NEGR1: variants seen among roughly 807,000 people sequenced by gnomAD.
The protein encoded by NEGR1 is neuronal growth regulator 1.
Under a neutral mutation model 40.9 loss-of-function variants are expected in NEGR1, and 10 were observed. The ratio of observed to expected loss-of-function variants is 0.24; its 90% confidence interval spans 0.15 to 0.42. NEGR1 has a LOEUF of 0.42. Ranked by LOEUF, NEGR1 falls within the 10% of genes least tolerant of loss-of-function variation. The pLI is 1.00. For synonymous variants in NEGR1, 185 were observed against 166.8 expected, an observed-to-expected ratio of 1.11 and a Z score of -0.84; for missense variants, 352 against 438.9, an observed-to-expected ratio of 0.80 and a Z score of 1.77.
In NEGR1 at chr1:71,982,512, A is replaced by C. The variant is rs1054669140; in HGVS notation, c.177-47201T>G. Among the ~76,000 whole-genome samples the C allele has an allele frequency of 3.9e-5, 6 of 152,154 alleles. 1 individual carries two copies. In the South Asian group the frequency reaches 6.2e-4, roughly 16 times the overall value. On this transcript the variant is annotated intron_variant, in intron 1 of 6. Transcript: ENST00000357731. The stretch of plus-strand genomic sequence containing the variant: ...GTAGCTATTGATTTCAAAATGTCTG[A>C]ATTTGTTTTTTCATTTGCTTTCCCA...
chr1:71,702,740 A>AAC, intron 3 of NEGR1, among the ~76,000 whole-genome samples: 1 of 151,628 alleles, frequency 6.6e-6, no homozygotes, highest in East Asian at 1.9e-4. Flanking sequence ...AAAAAAAAAA[A>AAC]AACACTTTCA....
chr1:72,053,548 G>A (rs1301091739), intron 1 of NEGR1, among the ~76,000 whole-genome samples: 3 of 150,318 alleles, frequency 2.0e-5, no homozygotes, highest in African/African-American at 2.4e-5. Context: ...TTCACATCAC[G>A]TTAGTCATGC....
chr1:72,080,522 A>C (rs1051107993), intron 1 of NEGR1, among the ~76,000 whole-genome samples: 4 of 152,162 alleles, frequency 2.6e-5, no homozygotes, highest in African/African-American at 9.7e-5. Flanking sequence ...TAAATATGGA[A>C]GCTATATTTA....
intron 1 of NEGR1, among the ~76,000 whole-genome samples, chr1:72,038,000 T>C (rs1316109933): frequency 2.6e-5 from 4 of 152,120 alleles, no homozygotes; most frequent in East Asian, 3.9e-4. Context: ...GCATATTTTC[T>C]AGCATTAATG....
At chr1:71,446,399 T>G (rs1557528779) in intron 6 of NEGR1, among the ~76,000 whole-genome samples, 1 of 152,194 alleles carries the variant, frequency 6.6e-6, no homozygotes. Context: ...AGTGAATTGT[T>G]TCATAGAATT....
intron 3 of NEGR1, among the ~76,000 whole-genome samples, chr1:71,745,604 C>G (rs577346288): frequency 5.4e-4 from 82 of 152,074 alleles, no homozygotes; most frequent in Non-Finnish European, 1.0e-3. Flanking sequence ...ACCCCAGTTT[C>G]TGGACTGTAA....
intron 1 of NEGR1, among the ~76,000 whole-genome samples, chr1:72,088,796 C>CTTTTTTTTTTTTT (rs71074816): frequency 1.5e-4 from 11 of 74,906 alleles, no homozygotes; most frequent in African/African-American, 4.7e-4. Context: ...CTCTCTCTCT[C>CTTTTTTTTTTTTT]TTTTTTTTTT....
intron 1 of NEGR1, among the ~76,000 whole-genome samples, chr1:72,103,610 T>C (rs1343670415): frequency 3.9e-5 from 6 of 152,110 alleles, no homozygotes; most frequent in Non-Finnish European, 8.8e-5. Context: ...CTGGATTTAA[T>C]TTTGTGTTAA....
At chr1:71,596,080 T>C (rs1215922665) in intron 5 of NEGR1, among the ~76,000 whole-genome samples, 3 of 149,208 alleles carry the variant, frequency 2.0e-5, no homozygotes, top group South Asian at 4.2e-4. Flanking sequence ...ACAAATTCTG[T>C]AGAGCTCGGA....
chr1:71,450,183 G>T (rs1646615830), intron 6 of NEGR1, among the ~76,000 whole-genome samples: 1 of 151,228 alleles, frequency 6.6e-6, no homozygotes, highest in Non-Finnish European at 1.5e-5. Context: ...TAGAGACGGG[G>T]TTTCACCATG....
intron 1 of NEGR1, among the ~76,000 whole-genome samples, chr1:72,139,618 C>A (rs771606245): frequency 3.9e-5 from 6 of 151,910 alleles, no homozygotes; most frequent in Non-Finnish European, 8.8e-5. Context: ...CTATATCTAA[C>A]AAAGCACATA....
intron 1 of NEGR1, among the ~76,000 whole-genome samples, chr1:72,110,361 A>G (rs530189420): frequency 1.3e-5 from 2 of 151,560 alleles, no homozygotes; most frequent in East Asian, 3.9e-4. Flanking sequence ...TTATAGATGT[A>G]TAGTCACTAA....
intron 3 of NEGR1, among the ~76,000 whole-genome samples, chr1:71,750,067 C>T (rs2101686426): frequency 6.7e-6 from 1 of 149,896 alleles, no homozygotes; most frequent in South Asian, 2.1e-4. Flanking sequence ...AATCTCGGCT[C>T]ACTGCAAGCT....
At chr1:71,580,309 G>A (rs1357494211) in intron 6 of NEGR1, among the ~76,000 whole-genome samples, 1 of 150,070 alleles carries the variant, frequency 6.7e-6, no homozygotes, top group Non-Finnish European at 1.5e-5. Flanking sequence ...GACTGTTGTG[G>A]GGCATGGGGA....
intron 2 of NEGR1, among the ~76,000 whole-genome samples, chr1:71,797,160 T>C (rs1239458196): frequency 6.6e-6 from 1 of 152,154 alleles, no homozygotes; most frequent in Admixed American, 6.6e-5. Flanking sequence ...CTACATACTT[T>C]ATATCCATTA....
At chr1:71,698,179 G>C (rs1653550766) in intron 3 of NEGR1, 40 bp from the exon 4 acceptor site, 1 of 1,584,710 alleles carries the variant, frequency 6.3e-7, no homozygotes, top group Non-Finnish European at 8.6e-7. Context: ...GTAGCCGCCT[G>C]AGGCTTCATT....
intron 2 of NEGR1, among the ~76,000 whole-genome samples, chr1:71,906,855 C>T (rs1328450638): frequency 1.3e-5 from 2 of 152,058 alleles, no homozygotes; most frequent in African/African-American, 2.4e-5. Flanking sequence ...CTTAGCTATA[C>T]CTAGCACTTA....
In NEGR1 at chr1:71,397,703, C is replaced by G. The variant is rs1271121944; in HGVS notation, c.*9743G>C. On this transcript the variant is annotated 3_prime_UTR_variant, in exon 7 of 7. Coordinates refer to ENST00000357731, the MANE Select transcript of NEGR1 (RefSeq NM_173808.3). ...CTGAAAATGTGATAGAAAAGAAAAT[C>G]CCATTTCCTGAGGAGAAATTCAAGC... 2 of 152,156 alleles carry G rather than the reference C, an allele frequency of 1.3e-5. No individual in the cohort carries two copies. The highest frequency in any genetic ancestry group is 2.4e-5 in the African/African-American group (1 of 41,436). The allele number at this position is 152,156 out of a possible 1,614,324, so 9.4% of individuals were successfully genotyped here.
intron 1 of NEGR1, among the ~76,000 whole-genome samples, chr1:72,041,914 A>T (rs982601223): frequency 6.9e-6 from 1 of 144,982 alleles, no homozygotes. Flanking sequence ...TCAAATATAT[A>T]TTACATGTTT....
Sources: allele counts gnomAD v4.1 joint callset (sites outside exome capture counted in the v4.1 genomes callset), GRCh38; gene constraint gnomAD v4.1.1; transcripts MANE v1.5; gene names NCBI Gene and HGNC (gene_info 2026-07-23, HGNC 2026-07-21).